Variants in UNC80 observed in about 807,000 individuals in gnomAD.
The protein encoded by UNC80 is protein unc-80 homolog.
Under a neutral mutation model 384.6 loss-of-function variants are expected in UNC80, and 164 were observed. That is an observed-to-expected ratio of 0.43 (90% confidence interval 0.38 to 0.49). The LOEUF (loss-of-function observed/expected upper bound fraction) is 0.49. UNC80 is among the 20% of genes least tolerant of loss of function. UNC80 has a pLI of 0.00. For missense variants in UNC80, 3,330 were observed against 4,143.0 expected (o/e 0.80, Z 5.39); for synonymous variants, 1,486 against 1,527.8 (o/e 0.97, Z 0.64).
chr2:209,833,162 C>T (rs1334858377), intron 16 of UNC80, among the ~76,000 whole-genome samples: 2 of 151,722 alleles, frequency 1.3e-5, no homozygotes, highest in South Asian at 2.1e-4. Context: ...TTCTACTTTC[C>T]TAAAAATTAT....
chr2:209,903,485 AAT>A (rs762676514), intron 28 of UNC80, among the ~76,000 whole-genome samples: 5 of 64,202 alleles, frequency 7.8e-5, no homozygotes, highest in African/African-American at 1.9e-4. Context: ...GTATATATGT[AAT>A]ATATATATTA....
chr2:209,994,307 C>T (rs780566758), intron 64 of UNC80, 43 bp downstream of exon 64: 8 of 1,492,110 alleles, frequency 5.4e-6, no homozygotes, highest in South Asian at 1.3e-5. Flanking sequence ...TCCCTGTGTA[C>T]TTACTTCTAG....
chr2:209,868,917 C>T (rs535053229), intron 22 of UNC80, among the ~76,000 whole-genome samples: 1 of 152,090 alleles, frequency 6.6e-6, no homozygotes, highest in Non-Finnish European at 1.5e-5. Flanking sequence ...GGAATAGAAG[C>T]CTCTCTGTGA....
At chr2:209,838,954 C>A (rs1319268893) in intron 18 of UNC80, among the ~76,000 whole-genome samples, 2 of 152,142 alleles carry the variant, frequency 1.3e-5, no homozygotes, top group South Asian at 4.2e-4. Context: ...AGATGAATAC[C>A]TGCAATAATA....
At chr2:209,802,745 T>G (rs1340474570) in intron 7 of UNC80, among the ~76,000 whole-genome samples, 2 of 152,214 alleles carry the variant, frequency 1.3e-5, no homozygotes, top group Non-Finnish European at 2.9e-5. Flanking sequence ...CACAAGTTAG[T>G]TGAGTTCTCT....
intron 28 of UNC80, among the ~76,000 whole-genome samples, chr2:209,898,297 CG>C (rs1364749124): frequency 6.6e-6 from 1 of 151,812 alleles, no homozygotes; most frequent in Admixed American, 6.6e-5. Context: ...CTTCTTGACA[CG>C]GATACTCAGA....
chr2:209,967,948 G>A (rs1210449952), intron 52 of UNC80: 2 of 185,922 alleles, frequency 1.1e-5, no homozygotes, highest in Admixed American at 6.1e-5. Context: ...AATAAGGGAG[G>A]GTTGGCCTTA....
At chr2:209,986,021 C>G (rs566934854) in intron 61 of UNC80, among the ~76,000 whole-genome samples, 2 of 152,150 alleles carry the variant, frequency 1.3e-5, no homozygotes, top group South Asian at 4.2e-4. Flanking sequence ...AGATCAGTCT[C>G]TTATTGGTGG....
chr2:209,920,947 C>T (rs1241498093), intron 33 of UNC80, among the ~76,000 whole-genome samples: 1 of 152,026 alleles, frequency 6.6e-6, no homozygotes, highest in African/African-American at 2.4e-5. Context: ...CATGCCTCAG[C>T]CTCCTGAGTA....
At chr2:209,810,314 C>T (rs2079244540) in intron 7 of UNC80, among the ~76,000 whole-genome samples, 1 of 152,174 alleles carries the variant, frequency 6.6e-6, no homozygotes. Flanking sequence ...AAGATGTTTA[C>T]ATTTTTAAAA....
At chr2:209,852,811 G>A (rs1216760425) in intron 22 of UNC80, among the ~76,000 whole-genome samples, 2 of 151,932 alleles carry the variant, frequency 1.3e-5, no homozygotes, top group Non-Finnish European at 2.9e-5. Flanking sequence ...TTTGTATTTG[G>A]TTTCATCCAA....
rs76941665 is a variant in UNC80 at position 209,886,421 on chromosome 2, A to G, written c.4111-1674A>G. ...AGCAAGACCCCATATCTACAAAAAA[A>G]TTAAAAAATTAGAAAATTAAAAATA... On this transcript the variant is annotated intron_variant, in intron 25 of 64. Coordinates refer to ENST00000673920, the MANE Select transcript of UNC80 (RefSeq NM_001371986.1). Among the ~76,000 whole-genome samples, 750 of 152,094 alleles carry G rather than the reference A, an allele frequency of 4.9e-3. 5 individuals are homozygous for G. The highest frequency in any genetic ancestry group is 6.4e-3 in the Non-Finnish European group (438 of 67,984).
intron 37 of UNC80, among the ~76,000 whole-genome samples, 151 bp downstream of exon 37, chr2:209,930,122 C>T (rs1423973864): frequency 6.6e-6 from 1 of 152,014 alleles, no homozygotes; most frequent in Non-Finnish European, 1.5e-5. Context: ...TAATGATGAG[C>T]AATACTTAAC....
intron 26 of UNC80, among the ~76,000 whole-genome samples, chr2:209,892,711 G>T (rs1421803861): frequency 1.3e-5 from 2 of 152,138 alleles, no homozygotes; most frequent in Non-Finnish European, 2.9e-5. Context: ...ACATGAAATT[G>T]CACTCGTAGT....
chr2:209,847,789 T>G lies in UNC80; in HGVS notation c.3455-1662T>G, dbSNP rs140568719. Among the ~76,000 whole-genome samples, 35 of 152,144 alleles carry G rather than the reference T, an allele frequency of 2.3e-4. No individual in the cohort carries two copies. In the East Asian group the frequency reaches 5.2e-3, roughly 23 times the overall value. The stretch of plus-strand genomic sequence containing the variant: ...AACTGTTCTTAATAAATTTGATAAA[T>G]AAGAATAACTTCATTGATCATCTAT... On this transcript the variant is annotated intron_variant, in intron 21 of 64. Coordinates refer to ENST00000673920, the MANE Select transcript of UNC80 (RefSeq NM_001371986.1).
intron 23 of UNC80, among the ~76,000 whole-genome samples, chr2:209,876,672 T>A (rs2084814503): frequency 6.6e-6 from 1 of 152,218 alleles, no homozygotes; most frequent in African/African-American, 2.4e-5. Flanking sequence ...TAACAGAGGA[T>A]CTCCAAAATA....
At chr2:209,792,176 T>A (rs1446477281) in intron 6 of UNC80, among the ~76,000 whole-genome samples, 1 of 152,120 alleles carries the variant, frequency 6.6e-6, no homozygotes, top group Admixed American at 6.5e-5. Context: ...TAGTGGCACA[T>A]GCCTTTAGTC....
chr2:209,996,957 C>T lies in UNC80; in HGVS notation c.*1362C>T, dbSNP rs1307612367. 1 of 152,104 alleles carries T rather than the reference C, an allele frequency of 6.6e-6. No individual in the cohort carries two copies. The highest frequency in any genetic ancestry group is 1.5e-5 in the Non-Finnish European group (1 of 68,008). 9.4% of individuals were successfully genotyped at this position (152,104 alleles called of 1,614,324 possible). On this transcript the variant is annotated 3_prime_UTR_variant, in exon 65 of 65. Coordinates refer to ENST00000673920, the MANE Select transcript of UNC80 (RefSeq NM_001371986.1). ...AAGTTAAATATAGACTTTAATTACC[C>T]TGCAATGAATTTAAAACACATTCTG...
chr2:209,909,119 A>G (rs1223333456), intron 29 of UNC80, among the ~76,000 whole-genome samples: 2 of 152,054 alleles, frequency 1.3e-5, no homozygotes, highest in South Asian at 2.1e-4. Context: ...CTTGTTTGTC[A>G]TCTGTCTTTC....
Sources: gnomAD v4.1 joint callset for allele counts (sites outside exome capture counted in the v4.1 genomes callset) on GRCh38, gnomAD v4.1.1 for gene constraint, MANE v1.5 for transcripts, NCBI Gene and HGNC (gene_info 2026-07-23, HGNC 2026-07-21) for gene names.